Variants in SRP54 observed in about 807,000 individuals in gnomAD.
SRP54 encodes the protein signal recognition particle 54, also known as signal recognition particle subunit SRP54.
Under a neutral mutation model 64.8 loss-of-function variants are expected in SRP54, and 10 were observed. The ratio of observed to expected loss-of-function variants is 0.15; its 90% CI spans 0.10 to 0.26. The LOEUF (loss-of-function observed/expected upper bound fraction) is 0.26, where lower values mean the gene tolerates loss of function less well. Ranked by LOEUF, SRP54 falls within the 10% of genes least tolerant of loss-of-function variation. SRP54 has a pLI of 1.00. For missense variants in SRP54, 325 were observed against 613.7 expected (o/e 0.53, Z 4.97); for synonymous variants, 193 against 185.6 (o/e 1.04, Z -0.32).
At chr14:35,010,030 C>A (rs2044330123) in intron 7 of SRP54, among the ~76,000 whole-genome samples, 1 of 151,876 alleles carries the variant, frequency 6.6e-6, no homozygotes, top group South Asian at 2.1e-4. Flanking sequence ...TGCCTGTAAT[C>A]CTAGCTACTT....
intron 1 of SRP54, among the ~76,000 whole-genome samples, chr14:34,990,311 G>A (rs1358752067): frequency 1.3e-5 from 2 of 152,146 alleles, no homozygotes; most frequent in Admixed American, 1.3e-4. Flanking sequence ...TTATAGCATA[G>A]CAGCAAAATT....
At chr14:35,011,730 A>G (rs1220155454) in intron 8 of SRP54, 71 bp downstream of exon 8, 2 of 1,292,260 alleles carry the variant, frequency 1.5e-6, no homozygotes, top group Non-Finnish European at 2.0e-6. Context: ...GGTTGAGTAT[A>G]TGACCAATAT....
chr14:34,993,447 G>A (rs924465418), intron 1 of SRP54: 1 of 152,030 alleles, frequency 6.6e-6, no homozygotes, highest in Non-Finnish European at 1.5e-5. Context: ...CTTATGGTAA[G>A]CAATTTTTTT....
intron 1 of SRP54, among the ~76,000 whole-genome samples, chr14:34,994,839 A>C (rs1332040964): frequency 6.6e-6 from 1 of 151,174 alleles, no homozygotes; most frequent in Non-Finnish European, 1.5e-5. Flanking sequence ...GATGGAGTGC[A>C]GTGGTGTGAT....
intron 1 of SRP54, among the ~76,000 whole-genome samples, chr14:34,992,831 C>T (rs1427296080): frequency 6.6e-6 from 1 of 151,328 alleles, no homozygotes; most frequent in South Asian, 2.1e-4. Context: ...AAAGTTTGCC[C>T]CCCCAAAAAG....
chr14:35,026,671 G>T (rs564345651), intron 14 of SRP54, among the ~76,000 whole-genome samples: 1 of 152,178 alleles, frequency 6.6e-6, no homozygotes, highest in East Asian at 1.9e-4. Context: ...CTGGCCAGGC[G>T]CTGTGGCCTA....
intron 13 of SRP54, among the ~76,000 whole-genome samples, chr14:35,022,698 T>G (rs1417419412): frequency 6.6e-6 from 1 of 152,184 alleles, no homozygotes; most frequent in Non-Finnish European, 1.5e-5. Context: ...ATAGCGAATG[T>G]TAACATTTGT....
intron 14 of SRP54, among the ~76,000 whole-genome samples, chr14:35,026,293 T>A (rs2044622876): frequency 6.6e-6 from 1 of 152,078 alleles, no homozygotes; most frequent in African/African-American, 2.4e-5. Flanking sequence ...AATGGCATGA[T>A]CATGGCTCAC....
intron 1 of SRP54, among the ~76,000 whole-genome samples, chr14:34,989,596 A>G (rs1432221596): frequency 6.6e-6 from 1 of 152,186 alleles, no homozygotes; most frequent in Non-Finnish European, 1.5e-5. Flanking sequence ...TTGTTTATGT[A>G]GAGAAAGGTG....
chr14:35,028,310 C>T, intron 15 of SRP54, 127 bp downstream of exon 15: 1 of 561,800 alleles, frequency 1.8e-6, no homozygotes, highest in East Asian at 3.1e-5. Context: ...GGGAAATGGT[C>T]ATCTGAATCC....
Position 35,005,984 on chromosome 14 carries a change from C to T in SRP54, c.256-1299C>T, listed in dbSNP as rs1473010620. Among the ~76,000 whole-genome samples the T allele has an allele frequency of 4.6e-5, 7 of 152,212 alleles. 1 individual carries two copies. Among genetic ancestry groups the T allele is most frequent in the Middle Eastern group, 6.8e-3 (2 of 294 alleles). ...CCTTCAGAGTAGCTGGGACTACAGGCGCCTGCCACCACGCCCGGCTAATTT... is the reference window on the plus strand; with the variant it reads ...CCTTCAGAGTAGCTGGGACTACAGGTGCCTGCCACCACGCCCGGCTAATTT... On this transcript the variant is annotated intron_variant, in intron 4 of 15. Coordinates refer to ENST00000216774, the MANE Select transcript of SRP54 (RefSeq NM_003136.4).
chr14:35,017,940 G>A (rs1183769379), intron 11 of SRP54, among the ~76,000 whole-genome samples: 1 of 152,078 alleles, frequency 6.6e-6, no homozygotes, highest in Non-Finnish European at 1.5e-5. Flanking sequence ...GGGCAATGTA[G>A]TGAGACCCAT....
At chr14:34,991,741 G>A (rs2043983632) in intron 1 of SRP54, among the ~76,000 whole-genome samples, 1 of 150,248 alleles carries the variant, frequency 6.7e-6, no homozygotes, top group South Asian at 2.1e-4. Context: ...GGTGGGGGGT[G>A]GAGGGGGCCT....
intron 1 of SRP54, among the ~76,000 whole-genome samples, chr14:34,989,129 A>G (rs1393054086): frequency 3.9e-5 from 6 of 152,160 alleles, no homozygotes; most frequent in Non-Finnish European, 5.9e-5. Context: ...TGACTGTACT[A>G]TGTAGAAGTA....
At chr14:34,988,599 T>TATAAC (rs1566640565) in intron 1 of SRP54, among the ~76,000 whole-genome samples, 1 of 103,534 alleles carries the variant, frequency 9.7e-6, no homozygotes, top group Non-Finnish European at 2.2e-5. Flanking sequence ...ATATATAACA[T>TATAAC]ATATATATAT....
In SRP54 at chr14:35,014,791, T is replaced by C. The variant is rs1178235661; in HGVS notation, c.934T>C (p.Leu312=). The C allele has an allele frequency of 7.4e-6, 12 of 1,613,856 alleles. No individual in the cohort carries two copies. In the South Asian group the frequency reaches 1.2e-4, roughly 16 times the overall value. ...GLIDKVNELK[L]DDNEALIEKL... is the part of the protein sequence containing the mutation. The stretch of plus-strand genomic sequence containing the variant: ...GATAGATAAAGTCAACGAGTTGAAG[T>C]TGGATGACAATGAAGCACTTATAGA... The change falls in exon 11 of 16, where the codon TTG becomes CTG. Residue 312 remains leucine (L), a synonymous_variant. Transcript: ENST00000216774.
At chr14:35,008,569 T>A in intron 5 of SRP54, 58 bp from the exon 6 acceptor site, 1 of 1,160,898 alleles carries the variant, frequency 8.6e-7, no homozygotes, top group Non-Finnish European at 1.2e-6. Context: ...CAGAAAAAAT[T>A]ATATGTATAG....
In SRP54 at chr14:35,028,179, C is replaced by T. The variant is rs372786275; in HGVS notation, c.1419C>T (p.His473=). 5.6e-6 allele frequency: 9 copies of T among 1,603,944 alleles called. No individual in the cohort carries two copies. The African/African-American group carries it at 9.4e-5, about 17-fold the overall frequency. Residue 473 remains histidine, a synonymous_variant, in exon 15 of 16, where the codon CAC becomes CAT. Coordinates refer to ENST00000216774, the MANE Select transcript of SRP54 (RefSeq NM_003136.4). ...TGATGGATCCTAGGGTTCTTCATCA[C>T]ATGGGTAAATACCAAGTTGTTGGCA... ...AKMMDPRVLH[H]MGGMAGLQSM... is the part of the protein sequence containing the mutation.
rs1203436550 is a variant in SRP54, at chr14:35,007,378, A to G, written c.351A>G (p.Thr117=). ...VGLQGSGKTT[T]CSKLAYYYQR... Reference sequence around the variant, plus strand: ...TGCAAGGGAGTGGTAAAACAACAACATGTTCAAAGGTAAATTGAACTTAAT... The same window carrying G: ...TGCAAGGGAGTGGTAAAACAACAACGTGTTCAAAGGTAAATTGAACTTAAT... The change falls in exon 5 of 16, where the codon ACA becomes ACG. Residue 117 remains threonine (T), a synonymous_variant. Coordinates refer to ENST00000216774, the MANE Select transcript of SRP54 (RefSeq NM_003136.4). 3.8e-6 allele frequency: 6 copies of G among 1,583,478 alleles called. No homozygotes were observed. Among genetic ancestry groups the G allele is most frequent in the South Asian group, 2.3e-5 (2 of 86,948 alleles).
Sources: gnomAD v4.1 joint callset for allele counts (sites outside exome capture counted in the v4.1 genomes callset) on GRCh38, gnomAD v4.1.1 for gene constraint, MANE v1.5 for transcripts, NCBI Gene and HGNC (gene_info 2026-07-23, HGNC 2026-07-21) for gene names.